NMBR: variants seen among roughly 807,000 people sequenced by gnomAD.
The protein encoded by NMBR is neuromedin-B receptor.
NMBR carries 16 observed loss-of-function variants against 20.5 expected under a neutral mutation model. The ratio of observed to expected loss-of-function variants is 0.78; its 90% CI spans 0.53 to 1.19. The LOEUF (loss-of-function observed/expected upper bound fraction) is 1.19. Among genes scored for constraint, NMBR ranks in the 50% most tolerant of loss-of-function variants. The pLI is 0.00. For synonymous variants in NMBR, 212 were observed against 196.6 expected, an observed-to-expected ratio of 1.08 and a Z score of -0.65; for missense variants, 582 against 499.1, an observed-to-expected ratio of 1.17 and a Z score of -1.58.
intron 1 of NMBR, chr6:142,133,037 G>T (rs565678243): frequency 3.0e-5 from 15 of 496,948 alleles, no homozygotes; most frequent in African/African-American, 2.1e-4. Context: ...AATTTGTAGT[G>T]ATGAGTGTTT....
intron 3 of NMBR, among the ~76,000 whole-genome samples, chr6:142,077,730 T>A (rs1444031111): frequency 6.6e-6 from 1 of 152,228 alleles, no homozygotes; most frequent in Non-Finnish European, 1.5e-5. Context: ...TGATCTGCGA[T>A]TCAATTTCTT....
At chr6:142,144,334 G>A (rs908993504) in intron 1 of NMBR, among the ~76,000 whole-genome samples, 3 of 152,162 alleles carry the variant, frequency 2.0e-5, no homozygotes, top group African/African-American at 7.2e-5. Context: ...CAACAAGATG[G>A]TTCTGACCAA....
chr6:142,127,629 G>A (rs1044038384), intron 1 of NMBR, among the ~76,000 whole-genome samples: 1 of 151,768 alleles, frequency 6.6e-6, no homozygotes, highest in Non-Finnish European at 1.5e-5. Flanking sequence ...GCATATGAAT[G>A]TCTTTCCATT....
At chr6:142,088,118 C>G (rs1324513222) in intron 2 of NMBR, 119 bp downstream of exon 2, 11 of 969,488 alleles carry the variant, frequency 1.1e-5, no homozygotes, top group Non-Finnish European at 1.7e-5. Flanking sequence ...CCCTCTCTTC[C>G]TCTCCACACC....
chr6:142,109,476 C>CT (rs77684305), intron 1 of NMBR, among the ~76,000 whole-genome samples: 7,164 of 108,332 alleles, frequency 0.066, 401 homozygotes, highest in African/African-American at 0.082. Flanking sequence ...TTGGGTATGT[C>CT]TTTTTTTTTT....
At chr6:142,110,124 G>A (rs1777735229) in intron 1 of NMBR, among the ~76,000 whole-genome samples, 1 of 152,174 alleles carries the variant, frequency 6.6e-6, no homozygotes, top group African/African-American at 2.4e-5. Flanking sequence ...ATTGCTAGTG[G>A]AAATTTAAAG....
chr6:142,113,198 ATTTAGAATCTC>A (rs1180737409), intron 1 of NMBR, among the ~76,000 whole-genome samples: 1 of 152,118 alleles, frequency 6.6e-6, no homozygotes, highest in East Asian at 1.9e-4. Context: ...ACACTATATG[ATTTAGAATCTC>A]TTTTATATTG....
At chr6:142,141,339 C>T (rs1404953375) in intron 1 of NMBR, among the ~76,000 whole-genome samples, 5 of 151,958 alleles carry the variant, frequency 3.3e-5, no homozygotes, top group Non-Finnish European at 5.9e-5. Flanking sequence ...AAAAAATTAC[C>T]TGGGAAATTA....
Position 142,078,653 on chromosome 6 carries a change from G to A in NMBR, c.673C>T (p.Leu225Phe), listed in dbSNP as rs904910262. 13 of 1,612,376 alleles carry A rather than the reference G, an allele frequency of 8.1e-6. No homozygotes were observed. The highest frequency in any genetic ancestry group is 5.5e-5 in the South Asian group (5 of 90,968). Reference protein sequence around the residue: ...LIFLVYFLIPLAIISIYYYHI... With the variant: ...LIFLVYFLIPFAIISIYYYHI... The stretch of plus-strand genomic sequence containing the variant: ...TAATAATAAATGCTAATAATAGCAA[G>A]TGGTATGAGGAAATAGACCAAGAAA... Residue 225 changes from leucine to phenylalanine, a missense_variant, in exon 3 of 4, where the codon CTT becomes TTT. Physicochemically the swap from Leu to Phe is conservative, Grantham distance 22. Coordinates refer to ENST00000258042, the MANE Select transcript of NMBR (RefSeq NM_002511.4).
chr6:142,076,942 A>T (rs1290565617), intron 3 of NMBR, among the ~76,000 whole-genome samples: 1 of 152,216 alleles, frequency 6.6e-6, no homozygotes, highest in Non-Finnish European at 1.5e-5. Flanking sequence ...GGATTGGAAC[A>T]TATCTGATGG....
chr6:142,094,173 T>C (rs1394146035), intron 1 of NMBR, among the ~76,000 whole-genome samples: 2 of 152,100 alleles, frequency 1.3e-5, no homozygotes, highest in Non-Finnish European at 2.9e-5. Flanking sequence ...CATTTGTCAA[T>C]TTTGGCTTTT....
intron 1 of NMBR, among the ~76,000 whole-genome samples, chr6:142,128,278 G>A (rs1051292144): frequency 6.6e-6 from 1 of 152,052 alleles, no homozygotes; most frequent in African/African-American, 2.4e-5. Context: ...GGAATCATAA[G>A]CCAATTAAAC....
chr6:142,086,747 T>G (rs1325056659), intron 2 of NMBR, among the ~76,000 whole-genome samples: 2 of 152,156 alleles, frequency 1.3e-5, no homozygotes, highest in Non-Finnish European at 2.9e-5. Context: ...CAGGGCAAAT[T>G]TACCTGTGTA....
intron 1 of NMBR, among the ~76,000 whole-genome samples, chr6:142,091,735 T>C (rs991281568): frequency 6.6e-6 from 1 of 152,202 alleles, no homozygotes; most frequent in Non-Finnish European, 1.5e-5. Flanking sequence ...TTATGTCTCT[T>C]TGTTTCTGGA....
chr6:142,132,202 T>C (rs1381327444), intron 1 of NMBR, among the ~76,000 whole-genome samples: 1 of 152,194 alleles, frequency 6.6e-6, no homozygotes, highest in Non-Finnish European at 1.5e-5. Context: ...GTTACAATCT[T>C]TGGCAGATCA....
chr6:142,127,894 G>C (rs1490182159), intron 1 of NMBR, among the ~76,000 whole-genome samples: 2 of 151,958 alleles, frequency 1.3e-5, no homozygotes, highest in African/African-American at 4.8e-5. Flanking sequence ...TTTTGGTTGA[G>C]TCTTTAGTGT....
rs762444627 is a variant in NMBR, at chr6:142,088,516, G to T, written c.143C>A (p.Ser48Tyr). The T allele has an allele frequency of 1.9e-6, 3 of 1,614,020 alleles. No individual in the cohort carries two copies. Among genetic ancestry groups the T allele is most frequent in the Non-Finnish European group, 1.7e-6 (2 of 1,180,006 alleles). The stretch of plus-strand genomic sequence containing the variant: ...CACGGTGATGATGAGCAGGTAGAGG[G>T]ACGGGATCACACAGCGGATCACCAA... Reference protein sequence around the residue: ...TELVIRCVIPSLYLLIITVGL... With the variant: ...TELVIRCVIPYLYLLIITVGL... Residue 48 changes from serine (S) to tyrosine (Y), a missense_variant, in exon 2 of 4, where the codon TCC becomes TAC. Transcript: ENST00000258042.
intron 1 of NMBR, among the ~76,000 whole-genome samples, chr6:142,131,858 A>C (rs1252114948): frequency 6.6e-6 from 1 of 152,230 alleles, no homozygotes; most frequent in African/African-American, 2.4e-5. Flanking sequence ...AATTGTATAC[A>C]GTTGACTAAA....
chr6:142,119,898 T>A (rs1356866398), intron 1 of NMBR, among the ~76,000 whole-genome samples: 1 of 151,996 alleles, frequency 6.6e-6, no homozygotes, highest in Non-Finnish European at 1.5e-5. Flanking sequence ...TAAGTATAAA[T>A]CATTTTAAGT....
Sources: allele counts gnomAD v4.1 joint callset (sites outside exome capture counted in the v4.1 genomes callset), GRCh38; gene constraint gnomAD v4.1.1; transcripts MANE v1.5; gene names NCBI Gene and HGNC (gene_info 2026-07-23, HGNC 2026-07-21).